Variants in SYNE3 observed in about 807,000 individuals in gnomAD.
The protein encoded by SYNE3 is spectrin repeat containing nuclear envelope family member 3.
SYNE3 carries 100 observed loss-of-function variants against 111.2 expected under a neutral mutation model. The ratio of observed to expected loss-of-function variants is 0.90; its 90% CI spans 0.77 to 1.06. SYNE3 has a LOEUF of 1.06. SYNE3 is among the 50% of genes least tolerant of loss of function. The pLI is 0.00. For synonymous variants in SYNE3, 547 were observed against 533.9 expected, an observed-to-expected ratio of 1.02 and a Z score of -0.34; for missense variants, 1,160 against 1,240.3, an observed-to-expected ratio of 0.94 and a Z score of 0.97.
chr14:95,516,460 G>A (rs997317341), intron 1 of SYNE3, among the ~76,000 whole-genome samples, 136 bp downstream of exon 1: 1 of 151,764 alleles, frequency 6.6e-6, no homozygotes, highest in African/African-American at 2.4e-5. Flanking sequence ...CGCCTCCCCA[G>A]GTCCCCCAGA....
chr14:95,456,397 G>A (rs1039671151), intron 5 of SYNE3, among the ~76,000 whole-genome samples: 15 of 152,344 alleles, frequency 9.8e-5, no homozygotes, highest in Admixed American at 9.1e-4. Flanking sequence ...CCTGCACCAC[G>A]GTTCTTCTCC....
At position 95,470,486 on chromosome 14, in the gene SYNE3, T is replaced by TAAA. The variant is rs59910933; in HGVS notation, c.145-2522_145-2520dup. On this transcript the variant is annotated intron_variant, in intron 2 of 17. Coordinates refer to ENST00000682763, the MANE Select transcript of SYNE3 (RefSeq NM_152592.6). This position sits in a 1 kb window ranked among gnomAD's most constrained non-coding sequence, Gnocchi z 4.2. The stretch of plus-strand genomic sequence containing the variant: ...TCTCTCCAAAAGCATTTTTTTTAAT[T>TAAA]AAAAAAAAAAAAAAACTAGCCAGGC... 2.2e-5 allele frequency among the ~76,000 whole-genome samples: 3 copies of TAAA among 134,536 alleles called. No individual in the cohort carries two copies. The highest frequency in any genetic ancestry group is 8.1e-5 in the African/African-American group (3 of 36,882). 88.3% of individuals were successfully genotyped at this position (134,536 alleles called of 152,430 possible).
chr14:95,514,415 T>C (rs571271150), intron 1 of SYNE3, among the ~76,000 whole-genome samples: 3 of 152,248 alleles, frequency 2.0e-5, no homozygotes, highest in South Asian at 2.1e-4. Flanking sequence ...CTACCCACCA[T>C]TGACAGACAA....
intron 3 of SYNE3, among the ~76,000 whole-genome samples, chr14:95,466,785 C>A (rs933661154): frequency 1.3e-5 from 2 of 152,242 alleles, no homozygotes; most frequent in Non-Finnish European, 2.9e-5. Flanking sequence ...CTCAGATCCC[C>A]AGCCTGTCTC....
intron 2 of SYNE3, among the ~76,000 whole-genome samples, chr14:95,474,012 G>A (rs1002227142): frequency 6.6e-6 from 1 of 151,170 alleles, no homozygotes; most frequent in African/African-American, 2.4e-5. Context: ...AGGTATGACA[G>A]TGGCTGGAAC....
chr14:95,418,111 A>G (rs1595167462), intron 17 of SYNE3, 85 bp from the exon 18 acceptor site: 8 of 1,400,582 alleles, frequency 5.7e-6, no homozygotes, highest in Middle Eastern at 2.4e-4. Flanking sequence ...GGATGCCAGG[A>G]GCGGTGGTAG....
rs1279629346 is a variant in SYNE3, at chr14:95,414,259, T to C, written c.*3567A>G. 6.6e-6 allele frequency: 1 copy of C among 152,170 alleles called. No individual in the cohort carries two copies. The highest frequency in any genetic ancestry group is 2.4e-5 in the African/African-American group (1 of 41,432). The allele number at this position is 152,170 out of a possible 1,614,324, so 9.4% of individuals were successfully genotyped here. Reference sequence around the variant, plus strand: ...CCACTTCAGCATGAGCAAGGGTCTTTATATCTTTAAGCCTCAGGGTTCCAT... The same window carrying C: ...CCACTTCAGCATGAGCAAGGGTCTTCATATCTTTAAGCCTCAGGGTTCCAT... On this transcript the variant is annotated 3_prime_UTR_variant, in exon 18 of 18. Transcript: ENST00000682763.
chr14:95,482,348 C>T (rs948233520), intron 1 of SYNE3, among the ~76,000 whole-genome samples: 13 of 152,136 alleles, frequency 8.5e-5, no homozygotes, highest in African/African-American at 2.9e-4. Flanking sequence ...GCAGGAGAAT[C>T]GCTTGAACCC....
At chr14:95,423,543 TTTGATGGGCATGGGGA>T in intron 17 of SYNE3, among the ~76,000 whole-genome samples, 3 of 90,114 alleles carry the variant, frequency 3.3e-5, no homozygotes, top group African/African-American at 5.3e-5. Flanking sequence ...GGGATGGGGA[TTTGATGGGCATGGGGA>T]TTTGATGGGG....
At chr14:95,418,447 A>G (rs888705871) in intron 17 of SYNE3, among the ~76,000 whole-genome samples, 2 of 152,176 alleles carry the variant, frequency 1.3e-5, no homozygotes, top group Non-Finnish European at 2.9e-5. Flanking sequence ...GTAAGTATGT[A>G]CCAGCTGCTG....
At chr14:95,479,543 T>C (rs1403427525) in intron 1 of SYNE3, among the ~76,000 whole-genome samples, 1 of 152,124 alleles carries the variant, frequency 6.6e-6, no homozygotes, top group Non-Finnish European at 1.5e-5. Flanking sequence ...GGAACTGGGT[T>C]ACCAGCTGAT....
At chr14:95,465,786 G>A in intron 4 of SYNE3, 145 bp downstream of exon 4, 3 of 907,110 alleles carry the variant, frequency 3.3e-6, no homozygotes, top group Non-Finnish European at 4.8e-6. Context: ...ATAGTGAACA[G>A]GTGAGTAGAT....
intron 10 of SYNE3, 136 bp from the exon 11 acceptor site, chr14:95,443,425 A>C (rs1244802548): frequency 1.8e-6 from 2 of 1,122,910 alleles, no homozygotes; most frequent in African/African-American, 3.1e-5. Context: ...CTTTCATACC[A>C]GCGGAAGTAC....
chr14:95,459,345 G>C (rs1156679166), intron 4 of SYNE3, among the ~76,000 whole-genome samples: 1 of 152,182 alleles, frequency 6.6e-6, no homozygotes, highest in Non-Finnish European at 1.5e-5. Flanking sequence ...AGGATTCCTT[G>C]AGCCCAGGAG....
intron 11 of SYNE3, among the ~76,000 whole-genome samples, chr14:95,440,712 A>G (rs1886368258): frequency 6.6e-6 from 1 of 152,228 alleles, no homozygotes. Context: ...TAAATGAAGG[A>G]TAACATCAGG....
In SYNE3 at chr14:95,429,963, G is replaced by T. The variant is rs572689848; in HGVS notation, c.2727+2116C>A. On this transcript the variant is annotated intron_variant, in intron 17 of 17. Coordinates refer to ENST00000682763, the MANE Select transcript of SYNE3 (RefSeq NM_152592.6). ...CTGTTCACTGATCTTGGCACAGTCA[G>T]AACTAAGGAAGGAAGGAAGGAAGGA... The T allele has an allele frequency of 4.2e-4, 386 of 924,238 alleles. 2 individuals carry two copies. In the African/African-American group the frequency reaches 6.7e-3, roughly 16 times the overall value. The allele number at this position is 924,238 out of a possible 1,614,324, so 57.3% of individuals were successfully genotyped here. A position where few individuals can be genotyped will look rare whatever the true frequency, so the allele number is the denominator to read the frequency against.
intron 5 of SYNE3, 123 bp from the exon 6 acceptor site, chr14:95,455,847 C>G (rs577088286): frequency 2.3e-5 from 22 of 954,544 alleles, no homozygotes; most frequent in African/African-American, 2.1e-4. Flanking sequence ...GCGTTAGAGC[C>G]AGAGAGGGGC....
At position 95,466,086 on chromosome 14, in the gene SYNE3, C is replaced by T. The variant is rs967201260; in HGVS notation, c.472G>A (p.Val158Met). The change falls in exon 4 of 18, where the codon GTG (valine) becomes ATG (methionine). Residue 158 changes from valine (V) to methionine (M), a missense_variant. Transcript: ENST00000682763. The stretch of plus-strand genomic sequence containing the variant: ...TGGTTGTCCACGTTGTGCAGCAGCA[C>T]CTGGGCGTGGCTCAGCTGCCACTGC... Reference protein sequence around the residue: ...EKQWQLSHAQVLLHNVDNQAV... With the variant: ...EKQWQLSHAQMLLHNVDNQAV... The T allele has an allele frequency of 1.2e-6, 2 of 1,613,292 alleles. No homozygotes were observed. The highest frequency in any genetic ancestry group is 1.7e-6 in the Non-Finnish European group (2 of 1,179,386).
intron 6 of SYNE3, 63 bp downstream of exon 6, chr14:95,455,314 G>C (rs1887344715): frequency 1.5e-6 from 2 of 1,333,396 alleles, no homozygotes; most frequent in East Asian, 5.0e-5. Flanking sequence ...GAGGAGGTCT[G>C]AGTGCCAGGA....
Sources: allele counts gnomAD v4.1 joint callset (sites outside exome capture counted in the v4.1 genomes callset), GRCh38; gene constraint gnomAD v4.1.1; non-coding constraint Gnocchi (gnomAD v3.1); transcripts MANE v1.5; gene names NCBI Gene and HGNC (gene_info 2026-07-23, HGNC 2026-07-21).